Variants in FANCC observed in about 807,000 individuals in gnomAD.
FANCC encodes Fanconi anemia group C protein.
In FANCC, 55 loss-of-function variants were observed where a neutral mutation model predicts 71.3. That is an observed-to-expected ratio of 0.77 (90% CI 0.62 to 0.97). FANCC has a LOEUF of 0.97. FANCC is among the 50% of genes least tolerant of loss of function. The pLI is 0.00. For missense variants in FANCC, 678 were observed against 670.9 expected (o/e 1.01, Z -0.12); for synonymous variants, 275 against 244.9 (o/e 1.12, Z -1.15).
chr9:95,313,409 C>T (rs569521882), intron 1 of FANCC, among the ~76,000 whole-genome samples: 1 of 152,358 alleles, frequency 6.6e-6, no homozygotes, highest in East Asian at 1.9e-4. Flanking sequence ...GGAGTCACGG[C>T]CAGGTGCGCG....
chr9:95,255,957 C>T (rs1831630719), intron 1 of FANCC, among the ~76,000 whole-genome samples: 1 of 150,792 alleles, frequency 6.6e-6, no homozygotes, highest in South Asian at 2.1e-4. Context: ...AGCTTAATGA[C>T]ATAAAGCATG....
At chr9:95,277,345 A>C (rs1443233006) in intron 1 of FANCC, among the ~76,000 whole-genome samples, 1 of 152,204 alleles carries the variant, frequency 6.6e-6, no homozygotes, top group African/African-American at 2.4e-5. Context: ...GCATATTTCA[A>C]AATAACTAGA....
intron 6 of FANCC, among the ~76,000 whole-genome samples, chr9:95,170,029 A>C (rs1359988259): frequency 6.6e-6 from 1 of 152,110 alleles, no homozygotes; most frequent in Non-Finnish European, 1.5e-5. Flanking sequence ...GTTTATTGTC[A>C]GCTGCTTTTT....
At chr9:95,174,873 C>CT (rs1195175482) in intron 4 of FANCC, among the ~76,000 whole-genome samples, 6 of 152,000 alleles carry the variant, frequency 3.9e-5, no homozygotes, top group African/African-American at 1.5e-4. Flanking sequence ...CAGTGACACT[C>CT]TGAGTGGTTA....
intron 1 of FANCC, among the ~76,000 whole-genome samples, chr9:95,286,638 C>T (rs1256813092): frequency 6.6e-6 from 1 of 152,126 alleles, no homozygotes; most frequent in African/African-American, 2.4e-5. Flanking sequence ...TGAAATTGAT[C>T]TAATGGCAGC....
intron 1 of FANCC, chr9:95,294,561 A>T (rs1039832578): frequency 6.5e-7 from 1 of 1,539,156 alleles, no homozygotes; most frequent in Non-Finnish European, 9.0e-7. Flanking sequence ...CAGAGACACA[A>T]ACTGAAGGAA....
rs1397423520 is a variant in FANCC, at chr9:95,161,828, GCTT to G, written c.521+9248_521+9250del. Reference sequence around the variant, plus strand: ...CAAGGTAACCACTATTCTACTTTCTGCTTCTTTTCTTTTCTTTTTTTTTTTTTT... The same window carrying G: ...CAAGGTAACCACTATTCTACTTTCTGCTTTTCTTTTCTTTTTTTTTTTTTT... On this transcript the variant is annotated intron_variant, in intron 6 of 14. Coordinates refer to ENST00000289081, the MANE Select transcript of FANCC (RefSeq NM_000136.3). Among the ~76,000 whole-genome samples the G allele has an allele frequency of 3.8e-3, 517 of 136,054 alleles. 1 individual carries two copies. The highest frequency in any genetic ancestry group is 5.6e-3 in the Non-Finnish European group (364 of 64,464). The allele number at this position is 136,054 out of a possible 152,430, so 89.3% of individuals were successfully genotyped here.
chr9:95,150,194 C>A (rs1830096313), intron 6 of FANCC, 107 bp from the exon 7 acceptor site: 1 of 1,149,448 alleles, frequency 8.7e-7, no homozygotes, highest in African/African-American at 1.5e-5. Flanking sequence ...ACCTGTTTTG[C>A]CTCTAAATAA....
chr9:95,196,292 A>AT (rs749266359), intron 4 of FANCC, among the ~76,000 whole-genome samples: 57 of 149,480 alleles, frequency 3.8e-4, no homozygotes, highest in African/African-American at 9.6e-4. Flanking sequence ...TTATTGGGAG[A>AT]TTTTTTTTTT....
At chr9:95,142,893 C>A (rs1176991564) in intron 7 of FANCC, among the ~76,000 whole-genome samples, 2 of 152,140 alleles carry the variant, frequency 1.3e-5, no homozygotes, top group East Asian at 3.9e-4. Flanking sequence ...AACCAATGCT[C>A]CCAACTCTCT....
chr9:95,308,549 G>A (rs1043353621), intron 1 of FANCC, among the ~76,000 whole-genome samples: 10 of 151,936 alleles, frequency 6.6e-5, no homozygotes, highest in African/African-American at 2.4e-4. Flanking sequence ...GCCTCCCAAA[G>A]TGCTGGGATT....
At chr9:95,265,486 A>G (rs1338845466) in intron 1 of FANCC, among the ~76,000 whole-genome samples, 1 of 152,184 alleles carries the variant, frequency 6.6e-6, no homozygotes, top group Non-Finnish European at 1.5e-5. Context: ...GTTCTCCATC[A>G]GAGCACCAAG....
intron 1 of FANCC, among the ~76,000 whole-genome samples, chr9:95,250,220 A>T (rs1264431475): frequency 6.6e-6 from 1 of 152,198 alleles, no homozygotes; most frequent in African/African-American, 2.4e-5. Flanking sequence ...AGAGGAGGGA[A>T]GGCTGCCTCT....
In FANCC at chr9:95,240,759, CTT is replaced by C. The variant is rs1564786494; in HGVS notation, c.251-18_251-17del. ...TGGCTTTCATCTACAAAAAGGAAAA[CTT>C]AATAAGTTTTATCAAGCAGAAAAAA... On this transcript the variant is annotated splice_polypyrimidine_tract_variant and intron_variant, in intron 3 of 14. Transcript: ENST00000289081. The C allele has an allele frequency of 6.9e-7, 1 of 1,454,186 alleles. No individual in the cohort carries two copies. Among genetic ancestry groups the C allele is most frequent in the Non-Finnish European group, 9.7e-7 (1 of 1,035,726 alleles). 90.1% of individuals were successfully genotyped at this position (1,454,186 alleles called of 1,614,324 possible). A position where few individuals can be genotyped will look rare whatever the true frequency, so the allele number is the denominator to read the frequency against.
chr9:95,253,969 C>T (rs62560523), intron 1 of FANCC, among the ~76,000 whole-genome samples: 34,164 of 152,146 alleles, frequency 0.22, 4,975 homozygotes, highest in Non-Finnish European at 0.33. Flanking sequence ...TGACAGGGAG[C>T]GGAGCTCAAC....
chr9:95,264,875 T>C (rs960451991), intron 1 of FANCC, among the ~76,000 whole-genome samples: 5 of 152,194 alleles, frequency 3.3e-5, no homozygotes, highest in African/African-American at 1.2e-4. Context: ...AGATTCTTCC[T>C]CTTCCTTGAT....
chr9:95,252,291 A>AAG (rs1831391591), intron 1 of FANCC, among the ~76,000 whole-genome samples: 1 of 149,580 alleles, frequency 6.7e-6, no homozygotes. Context: ...AAAAAAAAAA[A>AAG]AAAGAAAAAA....
In FANCC at chr9:95,269,992, C is replaced by T. The variant is rs138223605; in HGVS notation, c.-78-20623G>A. Among the ~76,000 whole-genome samples the T allele has an allele frequency of 5.9e-5, 9 of 152,230 alleles. 1 individual carries two copies. Among genetic ancestry groups the T allele is most frequent in the African/African-American group, 1.9e-4 (8 of 41,540 alleles). Reference sequence around the variant, plus strand: ...CTGTTTAACAAAGCACATCCTGCACCGCCCTTAATCCATTCCACTCTGAGT... The same window carrying T: ...CTGTTTAACAAAGCACATCCTGCACTGCCCTTAATCCATTCCACTCTGAGT... On this transcript the variant is annotated intron_variant, in intron 1 of 14. Transcript: ENST00000289081.
At chr9:95,162,543 A>G (rs766001353) in intron 6 of FANCC, among the ~76,000 whole-genome samples, 1 of 152,198 alleles carries the variant, frequency 6.6e-6, no homozygotes, top group Non-Finnish European at 1.5e-5. Context: ...TGTTTTCCAT[A>G]GTGACTGCAC....
Sources: gnomAD v4.1 joint callset for allele counts (sites outside exome capture counted in the v4.1 genomes callset) on GRCh38, gnomAD v4.1.1 for gene constraint, MANE v1.5 for transcripts, NCBI Gene and HGNC (gene_info 2026-07-23, HGNC 2026-07-21) for gene names.